Variants in SLC4A10 observed in about 807,000 individuals in gnomAD.
SLC4A10 encodes solute carrier family 4 member 10.
SLC4A10 carries 42 observed loss-of-function variants against 137.7 expected under a neutral mutation model. The ratio of observed to expected loss-of-function variants is 0.30; its 90% CI spans 0.24 to 0.39. The LOEUF is 0.39. SLC4A10 is among the 10% of genes least tolerant of loss of function. The pLI is 1.00. For missense variants in SLC4A10, 925 were observed against 1,355.0 expected (o/e 0.68, Z 4.98); for synonymous variants, 474 against 464.1 (o/e 1.02, Z -0.27).
chr2:161,670,725 A>G (rs186103196), intron 1 of SLC4A10, among the ~76,000 whole-genome samples: 9 of 152,132 alleles, frequency 5.9e-5, no homozygotes, highest in Non-Finnish European at 1.2e-4. Flanking sequence ...GCAAAAAATT[A>G]TCTTACTTCT....
chr2:161,833,088 T>G (rs1461339852), intron 3 of SLC4A10, among the ~76,000 whole-genome samples: 1 of 152,176 alleles, frequency 6.6e-6, no homozygotes, highest in Non-Finnish European at 1.5e-5. Context: ...ATACCTACAG[T>G]GAGCATGAGA....
chr2:161,624,493 T>C lies in SLC4A10; in HGVS notation c.-26T>C, dbSNP rs1247966742. The stretch of plus-strand genomic sequence containing the variant: ...ACACTGAAGACACTGCAGAGCAAGG[T>C]GCTTATTCCAGAGGCGTTACAAAAC... On this transcript the variant is annotated 5_prime_UTR_variant, in exon 1 of 27. Coordinates refer to ENST00000446997, the MANE Select transcript of SLC4A10 (RefSeq NM_001178015.2). 1.1e-5 allele frequency: 17 copies of C among 1,552,136 alleles called. No homozygotes were observed. The Admixed American group carries it at 3.3e-4, about 30-fold the overall frequency.
chr2:161,855,771 C>T (rs1278019877), intron 5 of SLC4A10, among the ~76,000 whole-genome samples: 1 of 151,248 alleles, frequency 6.6e-6, no homozygotes, highest in Non-Finnish European at 1.5e-5. Flanking sequence ...TTAGTAAAAA[C>T]AAAATAATAC....
chr2:161,756,441 A>G (rs2049656680), intron 1 of SLC4A10, among the ~76,000 whole-genome samples: 1 of 152,220 alleles, frequency 6.6e-6, no homozygotes, highest in Admixed American at 6.5e-5. Context: ...TGTATTGCAT[A>G]ACAACTGTAA....
At chr2:161,944,773 T>C (rs1385200072) in intron 16 of SLC4A10, among the ~76,000 whole-genome samples, 1 of 151,702 alleles carries the variant, frequency 6.6e-6, no homozygotes, top group Non-Finnish European at 1.5e-5. Flanking sequence ...TCTTGTAATT[T>C]TTAAGTCAAA....
chr2:161,909,467 G>A (rs1018876261), intron 15 of SLC4A10, among the ~76,000 whole-genome samples: 18 of 152,296 alleles, frequency 1.2e-4, no homozygotes, highest in East Asian at 3.9e-4. Context: ...GGGATGGAAC[G>A]ACTGGTTCAT....
intron 1 of SLC4A10, among the ~76,000 whole-genome samples, chr2:161,714,566 G>A (rs772743856): frequency 1.7e-4 from 26 of 151,976 alleles, no homozygotes; most frequent in East Asian, 3.9e-4. Flanking sequence ...GATGTGTGGC[G>A]TGTAAATGTA....
chr2:161,743,530 T>C (rs1318499971), intron 1 of SLC4A10, among the ~76,000 whole-genome samples: 2 of 152,176 alleles, frequency 1.3e-5, no homozygotes, highest in African/African-American at 4.8e-5. Context: ...AGCTCTATAA[T>C]ATAATTTGAA....
chr2:161,663,591 A>C (rs2038704321), intron 1 of SLC4A10, among the ~76,000 whole-genome samples: 1 of 152,160 alleles, frequency 6.6e-6, no homozygotes, highest in Non-Finnish European at 1.5e-5. Flanking sequence ...GAAGATTTAA[A>C]GTGAGGGAAA....
intron 1 of SLC4A10, among the ~76,000 whole-genome samples, chr2:161,769,591 AG>A (rs2051315523): frequency 1.3e-5 from 2 of 152,044 alleles, no homozygotes; most frequent in Admixed American, 1.3e-4. Flanking sequence ...TCCCCTCAGA[AG>A]GTTACCAATG....
intron 14 of SLC4A10, among the ~76,000 whole-genome samples, chr2:161,905,197 G>T (rs1684063938): frequency 6.6e-6 from 1 of 151,962 alleles, no homozygotes; most frequent in African/African-American, 2.4e-5. Context: ...AACCATTTTG[G>T]CACCAGGGAC....
At chr2:161,906,014 ACT>A (rs1684264344) in intron 15 of SLC4A10, 127 bp downstream of exon 15, 1 of 1,213,180 alleles carries the variant, frequency 8.2e-7, no homozygotes, top group African/African-American at 1.5e-5. Flanking sequence ...CTAAATCCTG[ACT>A]CTCAGAGTCG....
At chr2:161,690,983 T>A (rs2041929509) in intron 1 of SLC4A10, among the ~76,000 whole-genome samples, 1 of 151,900 alleles carries the variant, frequency 6.6e-6, no homozygotes, top group African/African-American at 2.4e-5. Context: ...AATTTGAAAG[T>A]GGTGATAACC....
chr2:161,671,749 C>A (rs1438972775), intron 1 of SLC4A10, among the ~76,000 whole-genome samples: 1 of 152,112 alleles, frequency 6.6e-6, no homozygotes, highest in Non-Finnish European at 1.5e-5. Context: ...GTTTTCATAG[C>A]ATTTCAGAGT....
At chr2:161,716,533 CA>C (rs1403840545) in intron 1 of SLC4A10, among the ~76,000 whole-genome samples, 1 of 150,792 alleles carries the variant, frequency 6.6e-6, no homozygotes, top group Non-Finnish European at 1.5e-5. Flanking sequence ...GGTCCATTTT[CA>C]ATTTTCTGCA....
At chr2:161,874,477 G>GTC (rs1478465498) in intron 8 of SLC4A10, among the ~76,000 whole-genome samples, 1 of 152,172 alleles carries the variant, frequency 6.6e-6, no homozygotes, top group Non-Finnish European at 1.5e-5. Context: ...GAAAGAAAAT[G>GTC]AAGATTGCCA....
At chr2:161,763,997 A>T (rs2050535654) in intron 1 of SLC4A10, among the ~76,000 whole-genome samples, 1 of 152,162 alleles carries the variant, frequency 6.6e-6, no homozygotes, top group Admixed American at 6.6e-5. Flanking sequence ...TGGCAATCCC[A>T]CTTCTAGGAA....
chr2:161,906,258 T>A (rs183835933), intron 15 of SLC4A10, among the ~76,000 whole-genome samples: 1 of 152,226 alleles, frequency 6.6e-6, no homozygotes, highest in African/African-American at 2.4e-5. Flanking sequence ...AGAAACATAG[T>A]AATGAAAATA....
chr2:161,804,558 T>A lies in SLC4A10; in HGVS notation c.240T>A (p.Asp80Glu). 6.2e-7 allele frequency: 1 copy of A among 1,612,806 alleles called. No individual in the cohort carries two copies. Among genetic ancestry groups the A allele is most frequent in the Non-Finnish European group, 8.5e-7 (1 of 1,179,256 alleles). Residue 80 changes from aspartate to glutamate, a missense_variant, in exon 3 of 27, where the codon GAT becomes GAA. By Grantham distance (45) the Asp-to-Glu change is conservative (BLOSUM62 2). Coordinates refer to ENST00000446997, the MANE Select transcript of SLC4A10 (RefSeq NM_001178015.2). Reference sequence around the variant, plus strand: ...ACAGAAAGAGAGACAGAGAAAGAGATTCAGGATTAGAGGATGGAAGGGAGT... The same window carrying A: ...ACAGAAAGAGAGACAGAGAAAGAGAATCAGGATTAGAGGATGGAAGGGAGT... ...HKHRKRDRER[D>E]SGLEDGRESP...
Sources: gnomAD v4.1 joint callset for allele counts (sites outside exome capture counted in the v4.1 genomes callset) on GRCh38, gnomAD v4.1.1 for gene constraint, MANE v1.5 for transcripts, NCBI Gene and HGNC (gene_info 2026-07-23, HGNC 2026-07-21) for gene names.